IFT88: variants seen among roughly 807,000 people sequenced by gnomAD.
IFT88 encodes the protein intraflagellar transport protein 88 homolog.
Under a neutral mutation model 119.5 loss-of-function variants are expected in IFT88, and 74 were observed. That is an observed-to-expected ratio of 0.62 (90% CI 0.51 to 0.75). IFT88 has a LOEUF of 0.75. Among genes scored for constraint, IFT88 ranks in the 30% least tolerant of loss-of-function variants. The pLI is 0.00. For synonymous variants in IFT88, 279 were observed against 316.7 expected, an observed-to-expected ratio of 0.88 and a Z score of 1.26; for missense variants, 961 against 977.7, an observed-to-expected ratio of 0.98 and a Z score of 0.23.
At chr13:20,612,429 A>G (rs1254296319) in intron 13 of IFT88, 10 of 152,242 alleles carry the variant, frequency 6.6e-5, no homozygotes, top group Non-Finnish European at 1.5e-4. Context: ...ATTATTAGGA[A>G]TAAATTTAAT....
At chr13:20,626,325 G>A (rs1490831042) in intron 15 of IFT88, among the ~76,000 whole-genome samples, 1 of 152,096 alleles carries the variant, frequency 6.6e-6, no homozygotes, top group African/African-American at 2.4e-5. Context: ...CTCCCAAAGT[G>A]CTGGGATTAC....
At chr13:20,634,869 T>C (rs1464891088) in intron 16 of IFT88, among the ~76,000 whole-genome samples, 1 of 151,968 alleles carries the variant, frequency 6.6e-6, no homozygotes, top group African/African-American at 2.4e-5. Context: ...TACATATGTA[T>C]ACATGTGCCA....
At chr13:20,633,429 G>A (rs1055801359) in intron 16 of IFT88, among the ~76,000 whole-genome samples, 2 of 152,176 alleles carry the variant, frequency 1.3e-5, no homozygotes, top group Admixed American at 6.5e-5. Context: ...AGGTGCCTCT[G>A]TCTTCCACCC....
At chr13:20,631,267 T>C (rs1016776109) in intron 16 of IFT88, 165 bp downstream of exon 16, 2 of 561,412 alleles carry the variant, frequency 3.6e-6, no homozygotes, top group African/African-American at 1.9e-5. Context: ...GGCCAGGGGC[T>C]GAGTTGGCAG....
chr13:20,662,359 A>G (rs1000480757), intron 22 of IFT88, among the ~76,000 whole-genome samples: 23 of 152,212 alleles, frequency 1.5e-4, no homozygotes, highest in African/African-American at 5.3e-4. Flanking sequence ...TTCACAGCCA[A>G]ATTCTACCAG....
At chr13:20,633,979 A>G (rs1187826820) in intron 16 of IFT88, among the ~76,000 whole-genome samples, 1 of 152,088 alleles carries the variant, frequency 6.6e-6, no homozygotes, top group Non-Finnish European at 1.5e-5. Context: ...GGCCTTACTC[A>G]TGCAGCTGAC....
intron 17 of IFT88, among the ~76,000 whole-genome samples, chr13:20,639,666 C>T (rs966898705): frequency 6.6e-6 from 1 of 151,988 alleles, no homozygotes; most frequent in Admixed American, 6.6e-5. Flanking sequence ...CTAGATATAT[C>T]CTTATTTATT....
chr13:20,576,042 T>A (rs2037320089), intron 2 of IFT88, among the ~76,000 whole-genome samples: 1 of 152,238 alleles, frequency 6.6e-6, no homozygotes, highest in Non-Finnish European at 1.5e-5. Context: ...TTATTACCTG[T>A]CTTTTGGATA....
At chr13:20,638,073 T>C (rs1183123237) in intron 16 of IFT88, among the ~76,000 whole-genome samples, 2 of 152,096 alleles carry the variant, frequency 1.3e-5, no homozygotes, top group Admixed American at 6.5e-5. Flanking sequence ...GGGCGTTGAG[T>C]ATGGAACCAC....
At chr13:20,568,291 TTGCC>T (rs1236755313) in intron 1 of IFT88, among the ~76,000 whole-genome samples, 1 of 152,234 alleles carries the variant, frequency 6.6e-6, no homozygotes, top group Non-Finnish European at 1.5e-5. Flanking sequence ...GCTTTGGAAA[TTGCC>T]TGGAGAATCC....
intron 13 of IFT88, among the ~76,000 whole-genome samples, chr13:20,610,250 C>T (rs1222775965): frequency 6.6e-6 from 1 of 152,086 alleles, no homozygotes; most frequent in Non-Finnish European, 1.5e-5. Flanking sequence ...GCATCACCAG[C>T]TTCAGAAGTG....
At chr13:20,574,680 A>C (rs936088157) in intron 2 of IFT88, among the ~76,000 whole-genome samples, 1 of 152,242 alleles carries the variant, frequency 6.6e-6, no homozygotes, top group African/African-American at 2.4e-5. Context: ...ACAGGTTACA[A>C]AAATGAATTA....
chr13:20,597,535 G>A (rs946404782), intron 9 of IFT88, among the ~76,000 whole-genome samples: 4 of 151,980 alleles, frequency 2.6e-5, no homozygotes, highest in Admixed American at 6.6e-5. Context: ...ACAAGGTCAG[G>A]AAATCGAGAC....
In IFT88 at chr13:20,597,758, T is replaced by A. The variant is rs1022154086; in HGVS notation, c.594+639T>A. Among the ~76,000 whole-genome samples the A allele has an allele frequency of 1.7e-3, 244 of 147,778 alleles. 1 individual carries two copies. The highest frequency in any genetic ancestry group is 5.8e-3 in the African/African-American group (235 of 40,444). On this transcript the variant is annotated intron_variant, in intron 9 of 25. Transcript: ENST00000351808. The stretch of plus-strand genomic sequence containing the variant: ...GAGACTCCGTCTCAAAAAAAAAATA[T>A]ATATATATATATTTTTTTTTTGATA...
At chr13:20,592,208 A>G in intron 6 of IFT88, 127 bp from the exon 7 acceptor site, 1 of 698,564 alleles carries the variant, frequency 1.4e-6, no homozygotes, top group Non-Finnish European at 2.4e-6. Flanking sequence ...TCCATTTAAT[A>G]AATAGATAAT....
intron 14 of IFT88, among the ~76,000 whole-genome samples, chr13:20,622,545 A>G (rs2046708203): frequency 6.6e-6 from 1 of 152,124 alleles, no homozygotes; most frequent in African/African-American, 2.4e-5. Context: ...GTGGCGTCCC[A>G]TTGTTGTTTT....
intron 14 of IFT88, among the ~76,000 whole-genome samples, chr13:20,619,590 G>A (rs1266454551): frequency 6.6e-6 from 1 of 151,934 alleles, no homozygotes; most frequent in East Asian, 1.9e-4. Context: ...GTAGTTCATG[G>A]TATTAATATG....
intron 8 of IFT88, 36 bp from the exon 9 acceptor site, chr13:20,596,979 C>G: frequency 8.3e-7 from 1 of 1,204,924 alleles, no homozygotes; most frequent in South Asian, 1.4e-5. Context: ...TTGATGAACA[C>G]TCAAAGGAAG....
chr13:20,644,488 C>T (rs531100776), intron 19 of IFT88, among the ~76,000 whole-genome samples: 2 of 151,818 alleles, frequency 1.3e-5, no homozygotes, highest in Admixed American at 6.6e-5. Flanking sequence ...GGTGACAGAG[C>T]GAGACTGTCT....
Sources: gnomAD v4.1 joint callset for allele counts (sites outside exome capture counted in the v4.1 genomes callset) on GRCh38, gnomAD v4.1.1 for gene constraint, MANE v1.5 for transcripts, NCBI Gene and HGNC (gene_info 2026-07-23, HGNC 2026-07-21) for gene names.